NR1H3: variants seen among roughly 807,000 people sequenced by gnomAD.
NR1H3 encodes the protein nuclear receptor subfamily 1 group H member 3.
A neutral mutation model predicts 48.1 loss-of-function variants in NR1H3; 19 were observed. The observed-to-expected ratio is 0.40, with a 90% CI of 0.28 to 0.58. The LOEUF (loss-of-function observed/expected upper bound fraction) is 0.58. Ranked by LOEUF, NR1H3 falls within the 20% of genes least tolerant of loss-of-function variation. The probability of loss-of-function intolerance (pLI) is 0.50; values close to 1 mark genes in which losing one functional copy is unlikely to be tolerated. For missense variants in NR1H3, 486 were observed against 595.9 expected (o/e 0.82, Z 1.92); for synonymous variants, 232 against 227.3 (o/e 1.02, Z -0.19).
At chr11:47,255,593 C>CT (rs530303031), upstream of NR1H3, among the ~76,000 whole-genome samples, 1 of 86,120 alleles carries the variant, frequency 1.2e-5, no homozygotes, top group Non-Finnish European at 2.2e-5. Flanking sequence ...TTCTTTCTTT[C>CT]TTTCTCTCTC....
intron 1 of NR1H3, among the ~76,000 whole-genome samples, chr11:47,250,890 G>T (rs895496030): frequency 6.6e-6 from 1 of 152,212 alleles, no homozygotes; most frequent in African/African-American, 2.4e-5. Context: ...GGCCGGGTGC[G>T]TGCTCACGCC....
chr11:47,263,246 C>G (rs140135547), intron 7 of NR1H3, among the ~76,000 whole-genome samples: 1 of 145,762 alleles, frequency 6.9e-6, no homozygotes, highest in Non-Finnish European at 1.5e-5. Flanking sequence ...CTTTGGGGAT[C>G]ATGGGGGCTG....
At chr11:47,249,598 A>G (rs1349697359) in intron 1 of NR1H3, among the ~76,000 whole-genome samples, 1 of 152,198 alleles carries the variant, frequency 6.6e-6, no homozygotes, top group African/African-American at 2.4e-5. Flanking sequence ...ACAGGCGCAT[A>G]TCATAAAGTG....
upstream of NR1H3, among the ~76,000 whole-genome samples, chr11:47,253,997 T>C (rs756913877): frequency 3.9e-4 from 59 of 152,322 alleles, no homozygotes; most frequent in Non-Finnish European, 6.3e-4. Context: ...ATGGAAATAC[T>C]GCCCACAGGT....
rs1955398410 is a variant in NR1H3, at chr11:47,258,178, GGT to G, written c.-38+51_-38+52del. The G allele has an allele frequency of 4.1e-6, 4 of 985,564 alleles. No individual in the cohort carries two copies. In the Admixed American group the frequency reaches 2.5e-4, roughly 61 times the overall value. The allele number at this position is 985,564 out of a possible 1,614,324, so 61.1% of individuals were successfully genotyped here. ...CCTGGGGCTCTGTGTGTGTATCTGGGGTGGGGTCGGGGAATGTCCTAAGGATC... is the reference window on the plus strand; with the variant it reads ...CCTGGGGCTCTGTGTGTGTATCTGGGGGGGTCGGGGAATGTCCTAAGGATC... On this transcript the variant is annotated intron_variant, in intron 1 of 9. Coordinates refer to ENST00000441012, the MANE Select transcript of NR1H3 (RefSeq NM_005693.4).
rs1325509582 is a variant in NR1H3 at position 47,262,034 on chromosome 11, A to G, written c.988+16A>G. 6.3e-7 allele frequency: 1 copy of G among 1,576,768 alleles called. No individual in the cohort carries two copies. The highest frequency in any genetic ancestry group is 8.7e-7 in the Non-Finnish European group (1 of 1,146,660). On this transcript the variant is annotated intron_variant, in intron 7 of 9. Coordinates refer to ENST00000441012, the MANE Select transcript of NR1H3 (RefSeq NM_005693.4). ...GCCAAAGCAGGTGAGAACTGAGATCACACAGGGATTGGGGTTGGGTGGACA... is the reference window on the plus strand; with the variant it reads ...GCCAAAGCAGGTGAGAACTGAGATCGCACAGGGATTGGGGTTGGGTGGACA...
chr11:47,265,694 A>G (rs1241230312), intron 7 of NR1H3, among the ~76,000 whole-genome samples: 2 of 152,122 alleles, frequency 1.3e-5, no homozygotes, highest in African/African-American at 4.8e-5. Flanking sequence ...CAACATGGTG[A>G]AATCCTGTCT....
chr11:47,262,058 CAG>C, intron 7 of NR1H3, 40 bp downstream of exon 7: 1 of 1,403,190 alleles, frequency 7.1e-7, no homozygotes, highest in Non-Finnish European at 9.9e-7. Flanking sequence ...GTTGGGTGGA[CAG>C]ATGCTTCTTT....
Position 47,249,146 on chromosome 11 carries a change from C to T in NR1H3, c.-93+147C>T. The T allele has an allele frequency of 7.8e-6, 6 of 772,954 alleles. No individual in the cohort carries two copies. The South Asian group carries it at 9.3e-5, about 12-fold the overall frequency. 47.9% of individuals were successfully genotyped at this position (772,954 alleles called of 1,614,324 possible). The stretch of plus-strand genomic sequence containing the variant: ...GACCATGTCTGGAGAACCAGCGTCC[C>T]CTCCAGGCTTGACCCCATAGCTAGA... On this transcript the variant is annotated intron_variant, in intron 1 of 8. Coordinates refer to the NR1H3 transcript ENST00000395397.
At chr11:47,265,880 A>T (rs199608920) in intron 7 of NR1H3, among the ~76,000 whole-genome samples, 122 of 152,250 alleles carry the variant, frequency 8.0e-4, no homozygotes, top group East Asian at 4.4e-3. Context: ...CTCAAAAAAA[A>T]TTTTTTTATT....
intron 7 of NR1H3, among the ~76,000 whole-genome samples, chr11:47,266,931 G>A (rs545223581): frequency 2.2e-4 from 34 of 151,878 alleles, no homozygotes; most frequent in African/African-American, 7.7e-4. Context: ...ATGAACCGCC[G>A]TGCCTTGCTG....
At chr11:47,261,090 A>C in intron 4 of NR1H3, 151 bp from the exon 5 acceptor site, 1 of 641,728 alleles carries the variant, frequency 1.6e-6, no homozygotes, top group Non-Finnish European at 2.7e-6. Context: ...TTCAAAAAAA[A>C]AAAATCTTCT....
chr11:47,265,323 C>T (rs1290213114), intron 7 of NR1H3, among the ~76,000 whole-genome samples: 3 of 151,508 alleles, frequency 2.0e-5, no homozygotes, highest in Non-Finnish European at 3.0e-5. Flanking sequence ...GAAAATGGGG[C>T]CTGCCCATTA....
upstream of NR1H3, among the ~76,000 whole-genome samples, chr11:47,253,703 G>A (rs1174454505): frequency 6.6e-6 from 1 of 152,220 alleles, no homozygotes; most frequent in Non-Finnish European, 1.5e-5. Flanking sequence ...TCTGCTTCAA[G>A]TTTCTCCTTG....
At chr11:47,258,902 G>A (rs376813257) in intron 1 of NR1H3, 17 of 369,162 alleles carry the variant, frequency 4.6e-5, no homozygotes, top group African/African-American at 2.2e-4. Context: ...CAGGCTGGGC[G>A]CAGTGGCTTA....
intron 1 of NR1H3, chr11:47,258,952 GAT>G (rs1955510141): frequency 1.4e-5 from 9 of 645,268 alleles, no homozygotes; most frequent in East Asian, 3.6e-5. Flanking sequence ...CAGGTGAGAG[GAT>G]CACTTGAGCC....
At chr11:47,248,947 G>T in exon 1 of NR1H3, 2 of 1,532,474 alleles carry the variant, frequency 1.3e-6, no homozygotes, top group Admixed American at 2.0e-5. Context: ...CAGTCTCGGT[G>T]GGATTGCGTG....
intron 1 of NR1H3, among the ~76,000 whole-genome samples, chr11:47,249,727 T>C (rs1013944406): frequency 1.3e-5 from 2 of 152,118 alleles, no homozygotes; most frequent in Non-Finnish European, 1.5e-5. Context: ...GGTCAGATCA[T>C]AGGTCCTGGG....
In NR1H3 at chr11:47,261,522, G is replaced by A. The variant is rs111357823; in HGVS notation, c.709-25G>A. The A allele has an allele frequency of 2.0e-4, 318 of 1,611,972 alleles. 1 individual carries two copies. In the African/African-American group the frequency reaches 3.4e-3, roughly 17 times the overall value. On this transcript the variant is annotated intron_variant, in intron 5 of 9. Transcript: ENST00000441012. ...GGCTTCTTGATGTCCGACTCAAAGC[G>A]CTTTGCCTTTTCCCTCCTGGGTAGC...
Sources: gnomAD v4.1 joint callset for allele counts (sites outside exome capture counted in the v4.1 genomes callset) on GRCh38, gnomAD v4.1.1 for gene constraint, MANE v1.5 for transcripts, NCBI Gene and HGNC (gene_info 2026-07-23, HGNC 2026-07-21) for gene names.